The following DIDO1 variants were observed in gnomAD, a reference collection of about 807,000 sequenced individuals.
DIDO1 encodes the protein death inducer-obliterator 1.
Under a neutral mutation model 99.4 loss-of-function variants are expected in DIDO1, and 16 were observed. The observed-to-expected ratio is 0.16, with a 90% CI of 0.11 to 0.24. DIDO1 has a LOEUF of 0.24. Among genes scored for constraint, DIDO1 ranks in the 10% least tolerant of loss-of-function variants. DIDO1 has a pLI of 1.00. For synonymous variants in DIDO1, 1,366 were observed against 1,239.1 expected, an observed-to-expected ratio of 1.10 and a Z score of -2.15; for missense variants, 2,996 against 3,014.0, an observed-to-expected ratio of 0.99 and a Z score of 0.14.
rs578029129 is a variant in DIDO1 at position 62,907,605 on chromosome 20, C to CG, written c.1162-247dup. Among the ~76,000 whole-genome samples, 256 of 152,354 alleles carry CG rather than the reference C, an allele frequency of 1.7e-3. 1 individual carries two copies. Among genetic ancestry groups the CG allele is most frequent in the African/African-American group, 5.7e-3 (239 of 41,582 alleles). Reference sequence around the variant, plus strand: ...GAGTGTGAGGAGACCCCTGGACTGCCGCCCTCTGCTCTGTGCACCCCTCTC... The same window carrying CG: ...GAGTGTGAGGAGACCCCTGGACTGCCGGCCCTCTGCTCTGTGCACCCCTCTC... On this transcript the variant is annotated intron_variant, in intron 4 of 15. Coordinates refer to ENST00000395343, the MANE Select transcript of DIDO1 (RefSeq NM_001193369.2).
chr20:62,905,893 A>G lies in DIDO1; in HGVS notation c.1582T>C (p.Tyr528His). ...KTAAPSPSLL[Y>H]KSTKEDRRSE... ...ACCCCTAGGTGATACATACATTTATACAACAGTGACGGCGAGGGAGCAGCA... is the reference window on the plus strand; with the variant it reads ...ACCCCTAGGTGATACATACATTTATGCAACAGTGACGGCGAGGGAGCAGCA... The change falls in exon 6 of 16, where the codon TAT becomes CAT. Residue 528 changes from tyrosine to histidine, a missense_variant. Tyr to His is a moderately conservative substitution (Grantham distance 83). Around this residue, in one of 5 missense-constraint regions of DIDO1, gnomAD observed 898 missense variants for 972.7 expected, o/e 0.92. Coordinates refer to ENST00000395343, the MANE Select transcript of DIDO1 (RefSeq NM_001193369.2). The G allele has an allele frequency of 1.2e-6, 2 of 1,614,214 alleles. No homozygotes were observed. Among genetic ancestry groups the G allele is most frequent in the South Asian group, 1.1e-5 (1 of 91,080 alleles).
At chr20:62,935,505 C>A (rs2065373323) in intron 1 of DIDO1, among the ~76,000 whole-genome samples, 1 of 152,144 alleles carries the variant, frequency 6.6e-6, no homozygotes, top group African/African-American at 2.4e-5. Flanking sequence ...GGCACTCAAT[C>A]CAGCTTTGTT....
chr20:62,889,240 C>A, intron 15 of DIDO1: 1 of 985,562 alleles, frequency 1.0e-6, no homozygotes, highest in Non-Finnish European at 1.2e-6. Context: ...GGGGCTGCAC[C>A]TGCACAGCCA....
rs537502087 is a variant in DIDO1 at position 62,879,412 on chromosome 20, C to G, written c.6544G>C (p.Glu2182Gln). 1.1e-5 allele frequency: 17 copies of G among 1,543,856 alleles called. No homozygotes were observed. Among genetic ancestry groups the G allele is most frequent in the Admixed American group, 2.0e-5 (1 of 51,232 alleles). Residue 2182 changes from glutamate to glutamine, a missense_variant, in exon 16 of 16, where the codon GAG becomes CAG. Glu to Gln is a conservative substitution (Grantham distance 29). Transcript: ENST00000395343. This position sits in a 1 kb window ranked among gnomAD's most constrained non-coding sequence, Gnocchi z 6.3. ...SRERSRNRERERDRRRDRDRS... is the reference protein window; with the variant it reads ...SRERSRNRERQRDRRRDRDRS... ...TCCCGGTCGCGCCTCCGGTCTCGCTCGCGCTCTCGGTTCCTGCTCCGCTCC... is the reference window on the plus strand; with the variant it reads ...TCCCGGTCGCGCCTCCGGTCTCGCTGGCGCTCTCGGTTCCTGCTCCGCTCC...
At chr20:62,933,081 G>A (rs184141943) in intron 1 of DIDO1, among the ~76,000 whole-genome samples, 5 of 152,192 alleles carry the variant, frequency 3.3e-5, no homozygotes, top group African/African-American at 7.2e-5. Flanking sequence ...GCGTGGTGGC[G>A]CATGTCTGTA....
Position 62,894,336 on chromosome 20 carries a change from T to C in DIDO1, c.2572+77A>G. 2.5e-6 allele frequency: 4 copies of C among 1,590,902 alleles called. No homozygotes were observed. Among genetic ancestry groups the C allele is most frequent in the Non-Finnish European group, 8.5e-7 (1 of 1,169,854 alleles). On this transcript the variant is annotated intron_variant, in intron 11 of 15. Transcript: ENST00000395343. This position sits in a 1 kb window ranked among gnomAD's most constrained non-coding sequence, Gnocchi z 4.4. ...GTGTTTAAGCTTACGTGCGGTTGCT[T>C]TTAGGAGGTTCAGTGATTTTTAACA...
At chr20:62,907,428 T>A in intron 4 of DIDO1, 69 bp from the exon 5 acceptor site, 1 of 1,474,856 alleles carries the variant, frequency 6.8e-7, no homozygotes, top group Non-Finnish European at 9.3e-7. Context: ...GTGTGTTTTG[T>A]AAAATCACCA....
chr20:62,899,887 C>T (rs1215950219), intron 6 of DIDO1, among the ~76,000 whole-genome samples: 4 of 152,250 alleles, frequency 2.6e-5, no homozygotes, highest in Admixed American at 6.5e-5. Flanking sequence ...CCAGGTGGGA[C>T]AGCATGGCTG....
At chr20:62,888,191 G>A (rs1163173054) in intron 15 of DIDO1, 3 of 985,520 alleles carry the variant, frequency 3.0e-6, no homozygotes, top group East Asian at 2.3e-4. Context: ...TGGACACCAC[G>A]CTGTCAAAAC....
chr20:62,922,276 A>G (rs966606240), intron 1 of DIDO1, among the ~76,000 whole-genome samples: 1 of 151,310 alleles, frequency 6.6e-6, no homozygotes, highest in African/African-American at 2.4e-5. Context: ...ACACACACAC[A>G]GGTGTCTACC....
intron 5 of DIDO1, among the ~76,000 whole-genome samples, chr20:62,906,882 A>G (rs1411748768): frequency 6.6e-6 from 1 of 152,232 alleles, no homozygotes; most frequent in African/African-American, 2.4e-5. Context: ...CTCACAAGAC[A>G]GCAGGGTGTG....
At chr20:62,906,180 G>A (rs2064800349) in intron 5 of DIDO1, 80 bp from the exon 6 acceptor site, 20 of 1,518,474 alleles carry the variant, frequency 1.3e-5, no homozygotes, top group South Asian at 3.9e-5. Flanking sequence ...AGATGAAGGC[G>A]GGGACCCAAT....
intron 1 of DIDO1, 90 bp from the exon 2 acceptor site, chr20:62,914,496 C>T (rs745447344): frequency 7.2e-5 from 11 of 152,216 alleles, no homozygotes; most frequent in African/African-American, 2.4e-4. Context: ...CTCAAGTAAC[C>T]TATTATTTGA....
Position 62,879,021 on chromosome 20 carries a change from T to C in DIDO1, c.*212A>G. ...GGCAATTTCCCATTTCTTTTAATTT[T>C]AAATGGAAATATTAAAGTTTAGTTT... On this transcript the variant is annotated 3_prime_UTR_variant, in exon 16 of 16. Transcript: ENST00000395343. The surrounding 1 kb of genome is among the most constrained non-coding windows in gnomAD (Gnocchi z 6.3). The C allele has an allele frequency of 2.1e-6, 1 of 468,164 alleles. No individual in the cohort carries two copies. The highest frequency in any genetic ancestry group is 3.6e-6 in the Non-Finnish European group (1 of 276,534). The allele number at this position is 468,164 out of a possible 1,614,324, so 29.0% of individuals were successfully genotyped here. A position where few individuals can be genotyped will look rare whatever the true frequency, so the allele number is the denominator to read the frequency against.
intron 15 of DIDO1, chr20:62,889,338 G>A (rs1017885375): frequency 1.5e-5 from 15 of 982,924 alleles, no homozygotes; most frequent in Non-Finnish European, 1.6e-5. Context: ...CCCGGTGCCC[G>A]GCATGCGCCG....
upstream of DIDO1, chr20:62,926,579 G>A (rs1363575211): frequency 3.3e-5 from 5 of 151,954 alleles, no homozygotes; most frequent in Admixed American, 6.5e-5. Context: ...TGCGGGGCTA[G>A]AGCGGAGCCC....
intron 8 of DIDO1, among the ~76,000 whole-genome samples, chr20:62,895,625 A>G (rs1156609792): frequency 6.6e-6 from 1 of 152,236 alleles, no homozygotes; most frequent in Non-Finnish European, 1.5e-5. Flanking sequence ...CTAAAATTCT[A>G]AACAGGGAGG....
chr20:62,899,943 T>C (rs1045167883), intron 6 of DIDO1, among the ~76,000 whole-genome samples: 3 of 152,222 alleles, frequency 2.0e-5, no homozygotes, highest in Admixed American at 1.3e-4. Flanking sequence ...ACAGAAACTT[T>C]TTAGTGGAGC....
chr20:62,914,920 G>A (rs976550103), intron 1 of DIDO1, among the ~76,000 whole-genome samples: 3 of 152,074 alleles, frequency 2.0e-5, no homozygotes, highest in African/African-American at 7.2e-5. Flanking sequence ...TGTTTGTGAC[G>A]TACTAAAATC....
Sources: gnomAD v4.1 joint callset for allele counts (sites outside exome capture counted in the v4.1 genomes callset) on GRCh38, gnomAD v4.1.1 for gene constraint, gnomAD v4.1.1 regional missense constraint, Gnocchi (gnomAD v3.1) non-coding constraint, MANE v1.5 for transcripts, NCBI Gene and HGNC (gene_info 2026-07-23, HGNC 2026-07-21) for gene names.